The following KCNIP4 variants were observed in gnomAD, a reference collection of about 807,000 sequenced individuals.
KCNIP4 encodes potassium voltage-gated channel interacting protein 4, also known as Kv channel-interacting protein 4.
KCNIP4 carries 12 observed loss-of-function variants against 34.0 expected under a neutral mutation model. The observed-to-expected ratio is 0.35, with a 90% CI of 0.23 to 0.57. The LOEUF (loss-of-function observed/expected upper bound fraction) is 0.57, where lower values mean the gene tolerates loss of function less well. Ranked by LOEUF, KCNIP4 falls within the 20% of genes least tolerant of loss-of-function variation. KCNIP4 has a pLI of 0.83. For synonymous variants in KCNIP4, 124 were observed against 102.2 expected, an observed-to-expected ratio of 1.21 and a Z score of -1.29; for missense variants, 238 against 311.7, an observed-to-expected ratio of 0.76 and a Z score of 1.78.
intron 1 of KCNIP4, among the ~76,000 whole-genome samples, chr4:20,894,157 A>C (rs1480756088): frequency 1.3e-5 from 2 of 152,208 alleles, no homozygotes; most frequent in Non-Finnish European, 2.9e-5. Context: ...CTGGGATTAC[A>C]GGCGTGAGCC....
chr4:21,018,872 T>C (rs1015577796), intron 1 of KCNIP4, among the ~76,000 whole-genome samples: 3 of 152,302 alleles, frequency 2.0e-5, no homozygotes, highest in South Asian at 2.1e-4. Context: ...AGAGTTTGGA[T>C]AGGGTTAATT....
At chr4:21,568,940 G>C (rs1034140127) in intron 1 of KCNIP4, among the ~76,000 whole-genome samples, 1 of 151,992 alleles carries the variant, frequency 6.6e-6, no homozygotes, top group African/African-American at 2.4e-5. Flanking sequence ...TCTGGGTAAT[G>C]CTTCTTCTTC....
chr4:21,734,215 G>A (rs763011981), intron 1 of KCNIP4, among the ~76,000 whole-genome samples: 1 of 152,160 alleles, frequency 6.6e-6, no homozygotes, highest in African/African-American at 2.4e-5. Flanking sequence ...GCAATACCAA[G>A]TGTCTGCAAT....
At chr4:21,567,839 A>AT (rs1218661019) in intron 1 of KCNIP4, among the ~76,000 whole-genome samples, 1 of 152,110 alleles carries the variant, frequency 6.6e-6, no homozygotes, top group African/African-American at 2.4e-5. Context: ...AGCGTGAGTG[A>AT]TAACTCATAC....
intron 1 of KCNIP4, among the ~76,000 whole-genome samples, chr4:21,429,335 C>T (rs1726227003): frequency 6.6e-6 from 1 of 152,056 alleles, no homozygotes; most frequent in African/African-American, 2.4e-5. Flanking sequence ...TTTTTTTTAG[C>T]ACTGAATAAT....
At chr4:21,759,756 C>A (rs571178680) in intron 1 of KCNIP4, among the ~76,000 whole-genome samples, 14 of 152,170 alleles carry the variant, frequency 9.2e-5, no homozygotes, top group African/African-American at 3.4e-4. Context: ...GGAATGACAA[C>A]CTACGTTCCA....
At chr4:21,563,601 C>T (rs1455713079) in intron 1 of KCNIP4, among the ~76,000 whole-genome samples, 1 of 152,008 alleles carries the variant, frequency 6.6e-6, no homozygotes, top group Admixed American at 6.6e-5. Flanking sequence ...TGAGCTACTA[C>T]TCAATATATA....
intron 1 of KCNIP4, among the ~76,000 whole-genome samples, chr4:21,808,310 A>G (rs985120058): frequency 1.3e-5 from 2 of 152,126 alleles, no homozygotes; most frequent in African/African-American, 2.4e-5. Flanking sequence ...GCCACACCTT[A>G]GATAGGAAGA....
At position 20,913,673 on chromosome 4, in the gene KCNIP4, G is replaced by A. The variant is rs1333785086; in HGVS notation, c.62-30964C>T. Among the ~76,000 whole-genome samples the A allele has an allele frequency of 3.3e-5, 5 of 152,306 alleles. No homozygotes were observed. In the South Asian group the frequency reaches 6.2e-4, roughly 19 times the overall value. On this transcript the variant is annotated intron_variant, in intron 1 of 8. Transcript: ENST00000382152. ...GCAGCTCATAGTTCTAGGCGATTTA[G>A]TGTAGTGGTTAAGCAGCTGGACAGA...
intron 1 of KCNIP4, among the ~76,000 whole-genome samples, chr4:21,100,341 A>G (rs568241086): frequency 6.6e-6 from 1 of 152,280 alleles, no homozygotes; most frequent in East Asian, 1.9e-4. Flanking sequence ...ACTTGAGGTC[A>G]GGAGTTCAAG....
chr4:20,880,328 GGAGGAGAAGGCGAAAAAGGAA>G (rs1289941179), intron 2 of KCNIP4, among the ~76,000 whole-genome samples: 1 of 152,050 alleles, frequency 6.6e-6, no homozygotes, highest in Non-Finnish European at 1.5e-5. Context: ...TTCCAACCCT[GGAGGAGAAGGCGAAAAAGGAA>G]GAGGAGAAGG....
intron 3 of KCNIP4, among the ~76,000 whole-genome samples, chr4:20,788,075 T>C (rs1042131446): frequency 6.6e-6 from 1 of 152,154 alleles, no homozygotes; most frequent in African/African-American, 2.4e-5. Context: ...TTTACTTGTA[T>C]GTATTGCTCA....
At chr4:21,546,031 C>A (rs35775522) in intron 1 of KCNIP4, among the ~76,000 whole-genome samples, 8,642 of 152,116 alleles carry the variant, frequency 0.057, 491 homozygotes, top group Admixed American at 0.16. Context: ...TATGGACTTG[C>A]CTTGAATTCT....
Position 21,766,524 on chromosome 4 carries a change from T to C in KCNIP4, c.61+182047A>G, listed in dbSNP as rs183173514. ...AGGCTTCCCTCTGCTGCTATCACTG[T>C]TGGCATAAAGCGAATTTCCTCGACT... On this transcript the variant is annotated intron_variant, in intron 1 of 8. Transcript: ENST00000382152. 1.2e-4 allele frequency among the ~76,000 whole-genome samples: 18 copies of C among 152,258 alleles called. 1 individual carries two copies. Among genetic ancestry groups the C allele is most frequent in the Admixed American group, 2.0e-4 (3 of 15,284 alleles).
At chr4:21,239,858 G>T (rs1759669352) in intron 1 of KCNIP4, among the ~76,000 whole-genome samples, 1 of 152,116 alleles carries the variant, frequency 6.6e-6, no homozygotes, top group South Asian at 2.1e-4. Context: ...ATTTGACCCA[G>T]CCATCCCATT....
chr4:20,874,415 A>G (rs1723786196), intron 2 of KCNIP4, among the ~76,000 whole-genome samples: 1 of 152,132 alleles, frequency 6.6e-6, no homozygotes, highest in South Asian at 2.1e-4. Context: ...TAGTCTTCAG[A>G]TGTAGTGATC....
At chr4:21,251,352 A>T (rs1004455709) in intron 1 of KCNIP4, among the ~76,000 whole-genome samples, 3 of 152,092 alleles carry the variant, frequency 2.0e-5, no homozygotes. Flanking sequence ...ATTTGCATGC[A>T]TTACTTTTTA....
At chr4:21,675,350 TAGAA>T (rs1749807889) in intron 1 of KCNIP4, among the ~76,000 whole-genome samples, 1 of 152,044 alleles carries the variant, frequency 6.6e-6, no homozygotes, top group East Asian at 1.9e-4. Context: ...AAAAAATAAT[TAGAA>T]AGAATGAATA....
rs370024379 is a variant in KCNIP4 at position 20,811,596 on chromosome 4, G to T, written c.288+38947C>A. Among the ~76,000 whole-genome samples, 46 of 152,292 alleles carry T rather than the reference G, an allele frequency of 3.0e-4. 1 individual carries two copies. The highest frequency in any genetic ancestry group is 1.1e-3 in the African/African-American group (46 of 41,558). ...AATGGGTTTGGGTTACTTTGTGAAA[G>T]AAGTTGAATGGCATGCTAAGGAGTT... is the stretch of plus-strand genomic sequence containing the variant. On this transcript the variant is annotated intron_variant, in intron 3 of 8. Coordinates refer to ENST00000382152, the MANE Select transcript of KCNIP4 (RefSeq NM_025221.6).
Sources: gnomAD v4.1 joint callset for allele counts (sites outside exome capture counted in the v4.1 genomes callset) on GRCh38, gnomAD v4.1.1 for gene constraint, MANE v1.5 for transcripts, NCBI Gene and HGNC (gene_info 2026-07-23, HGNC 2026-07-21) for gene names.